Variants in MYPN observed in about 807,000 individuals in gnomAD.
MYPN encodes sarcomeric protein myopalladin, 145 kDa (MYOP).
A neutral mutation model predicts 129.4 loss-of-function variants in MYPN; 63 were observed. That is an observed-to-expected ratio of 0.49 (90% confidence interval 0.40 to 0.60). The LOEUF is 0.60. Among genes scored for constraint, MYPN ranks in the 20% least tolerant of loss-of-function variants. MYPN has a pLI of 0.00. For missense variants in MYPN, 1,596 were observed against 1,635.4 expected, an observed-to-expected ratio of 0.98 and a Z score of 0.42; for synonymous variants, 629 against 600.9, an observed-to-expected ratio of 1.05 and a Z score of -0.68.
Position 68,199,408 on chromosome 10 carries a change from A to G in MYPN, c.3326A>G (p.Asn1109Ser), listed in dbSNP as rs1419019328. Residue 1109 changes from asparagine (N) to serine (S), a missense_variant, in exon 17 of 20, where the codon AAT (asparagine) becomes AGT (serine). Coordinates refer to ENST00000358913, the MANE Select transcript of MYPN (RefSeq NM_032578.4). ...LPPPELTWLL[N>S]GQPVLPDASH... is the part of the protein sequence containing the mutation. ...CCCCCGGAGCTGACATGGCTACTCA[A>G]TGGCCAACCTGTGCTACCAGATGCC... 3 of 1,614,114 alleles carry G rather than the reference A, an allele frequency of 1.9e-6. No individual in the cohort carries two copies. Among genetic ancestry groups the G allele is most frequent in the Middle Eastern group, 1.7e-4 (1 of 6,060 alleles).
upstream of MYPN, chr10:68,106,733 C>T (rs1188530969): frequency 8.4e-6 from 6 of 717,184 alleles, no homozygotes; most frequent in South Asian, 7.4e-5. Flanking sequence ...CCATGCTTAC[C>T]GTCCAAGTGA....
At chr10:68,180,280 G>T (rs1326973336) in intron 12 of MYPN, among the ~76,000 whole-genome samples, 1 of 152,200 alleles carries the variant, frequency 6.6e-6, no homozygotes, top group Non-Finnish European at 1.5e-5. Context: ...TCAGCTCCCA[G>T]GCTCAAGCAA....
upstream of MYPN, among the ~76,000 whole-genome samples, chr10:68,101,535 T>C (rs1228553545): frequency 6.6e-6 from 1 of 152,226 alleles, no homozygotes; most frequent in Non-Finnish European, 1.5e-5. Flanking sequence ...TTTTGTCCGA[T>C]ATTAAGATTA....
At chr10:68,115,964 G>A (rs2042151302) in intron 1 of MYPN, among the ~76,000 whole-genome samples, 1 of 152,070 alleles carries the variant, frequency 6.6e-6, no homozygotes, top group Non-Finnish European at 1.5e-5. Flanking sequence ...GCTTGACTTT[G>A]CTAGCTAAAA....
chr10:68,203,113 A>C (rs2043746451), intron 18 of MYPN, among the ~76,000 whole-genome samples: 1 of 152,078 alleles, frequency 6.6e-6, no homozygotes, highest in Non-Finnish European at 1.5e-5. Context: ...TCAGTCCTGG[A>C]CTCTGAGGAC....
At chr10:68,154,143 C>T (rs1243625576) in intron 6 of MYPN, among the ~76,000 whole-genome samples, 2 of 152,206 alleles carry the variant, frequency 1.3e-5, no homozygotes, top group Non-Finnish European at 2.9e-5. Flanking sequence ...TGCTCTTTAA[C>T]TGTGGATAGA....
At chr10:68,173,912 C>G (rs1356420300) in intron 10 of MYPN, among the ~76,000 whole-genome samples, 154 bp from the exon 11 acceptor site, 1 of 151,852 alleles carries the variant, frequency 6.6e-6, no homozygotes. Flanking sequence ...AGTGATCCAC[C>G]TGTCTCCGCC....
chr10:68,140,490 G>A (rs2042559484), intron 2 of MYPN, among the ~76,000 whole-genome samples: 1 of 150,968 alleles, frequency 6.6e-6, no homozygotes. Flanking sequence ...TCAGGTATTT[G>A]CATGACATAG....
upstream of MYPN, among the ~76,000 whole-genome samples, chr10:68,108,687 T>C (rs2042041458): frequency 6.6e-6 from 1 of 152,156 alleles, no homozygotes; most frequent in African/African-American, 2.4e-5. Flanking sequence ...GCAATCAGGT[T>C]AACTTTTTTC....
chr10:68,123,435 G>A (rs1166073339), intron 2 of MYPN, among the ~76,000 whole-genome samples: 1 of 151,406 alleles, frequency 6.6e-6, no homozygotes, highest in African/African-American at 2.4e-5. Context: ...CCAGCACTTT[G>A]GGAGGCTGAG....
At chr10:68,205,213 G>A (rs2043793917) in intron 18 of MYPN, among the ~76,000 whole-genome samples, 1 of 152,080 alleles carries the variant, frequency 6.6e-6, no homozygotes, top group African/African-American at 2.4e-5. Flanking sequence ...GTATCTTCAT[G>A]CCTCCTTCTT....
At chr10:68,190,813 T>G (rs1445001388) in intron 13 of MYPN, among the ~76,000 whole-genome samples, 1 of 152,222 alleles carries the variant, frequency 6.6e-6, no homozygotes, top group African/African-American at 2.4e-5. Flanking sequence ...AGTTTCATAG[T>G]TTCAGGCCTG....
At chr10:68,138,187 C>A (rs1281540333) in intron 2 of MYPN, among the ~76,000 whole-genome samples, 25 of 150,662 alleles carry the variant, frequency 1.7e-4, no homozygotes, top group African/African-American at 6.1e-4. Context: ...ATTGCAACCT[C>A]TGCCTCCTGG....
intron 10 of MYPN, among the ~76,000 whole-genome samples, chr10:68,168,964 C>T (rs1419483063): frequency 7.5e-6 from 1 of 132,928 alleles, no homozygotes; most frequent in African/African-American, 3.1e-5. Flanking sequence ...TGCACTCCAG[C>T]GTGGGCGACA....
rs571024194 is a variant in MYPN, at chr10:68,090,861, T to C, written c.-2+2869T>C. Among the ~76,000 whole-genome samples the C allele has an allele frequency of 3.9e-5, 6 of 152,290 alleles. No homozygotes were observed. The East Asian group carries it at 9.6e-4, about 24-fold the overall frequency. On this transcript the variant is annotated intron_variant, in intron 1 of 6. Transcript: ENST00000685154. ...TAAGACCTTGGAGCTTATAATTACA[T>C]TGATGAAATTACCAGGTTTCATTGT...
intron 18 of MYPN, among the ~76,000 whole-genome samples, chr10:68,202,545 A>G (rs1564699786): frequency 6.6e-6 from 1 of 152,248 alleles, no homozygotes; most frequent in Non-Finnish European, 1.5e-5. Context: ...AAAAAAGCTA[A>G]CACAAAATGA....
intron 8 of MYPN, 132 bp from the exon 9 acceptor site, chr10:68,165,570 C>T: frequency 1.3e-6 from 1 of 758,386 alleles, no homozygotes; most frequent in East Asian, 2.6e-5. Context: ...TTGTTTTGAC[C>T]AATTGTTTTC....
intron 2 of MYPN, among the ~76,000 whole-genome samples, chr10:68,124,523 A>G (rs1000481656): frequency 6.6e-6 from 1 of 151,934 alleles, no homozygotes; most frequent in Non-Finnish European, 1.5e-5. Flanking sequence ...TGGCCCAAAG[A>G]CATATTCATA....
At chr10:68,138,330 G>A (rs2042519870) in intron 2 of MYPN, among the ~76,000 whole-genome samples, 1 of 151,624 alleles carries the variant, frequency 6.6e-6, no homozygotes, top group African/African-American at 2.4e-5. Flanking sequence ...TTGAACTCCT[G>A]ACTTCAAGTG....
Sources: gnomAD v4.1 joint callset for allele counts (sites outside exome capture counted in the v4.1 genomes callset) on GRCh38, gnomAD v4.1.1 for gene constraint, MANE v1.5 for transcripts, NCBI Gene and HGNC (gene_info 2026-07-23, HGNC 2026-07-21) for gene names.